Variants in FCHSD2 observed in about 807,000 individuals in gnomAD.
The protein encoded by FCHSD2 is F-BAR and double SH3 domains protein 2.
A neutral mutation model predicts 108.1 loss-of-function variants in FCHSD2; 38 were observed. The ratio of observed to expected loss-of-function variants is 0.35; its 90% CI spans 0.27 to 0.46. The LOEUF is 0.46. Ranked by LOEUF, FCHSD2 falls within the 20% of genes least tolerant of loss-of-function variation. The pLI is 1.00. For synonymous variants in FCHSD2, 279 were observed against 314.7 expected, an observed-to-expected ratio of 0.89 and a Z score of 1.20; for missense variants, 751 against 897.8, an observed-to-expected ratio of 0.84 and a Z score of 2.09.
chr11:72,922,619 T>C (rs1855996873), intron 8 of FCHSD2, among the ~76,000 whole-genome samples: 1 of 151,970 alleles, frequency 6.6e-6, no homozygotes, highest in Non-Finnish European at 1.5e-5. Flanking sequence ...ATAAAAACCG[T>C]GGAAACTGTA....
At chr11:73,128,102 G>T (rs1438762314) in intron 2 of FCHSD2, among the ~76,000 whole-genome samples, 1 of 151,786 alleles carries the variant, frequency 6.6e-6, no homozygotes, top group African/African-American at 2.4e-5. Context: ...GACTGAAGTG[G>T]TAAGATTGGG....
chr11:73,136,180 A>C (rs1861115967), intron 2 of FCHSD2, among the ~76,000 whole-genome samples: 1 of 151,272 alleles, frequency 6.6e-6, no homozygotes, highest in Non-Finnish European at 1.5e-5. Flanking sequence ...AAAAAAAAAG[A>C]AAGAAAAAAG....
At chr11:72,980,015 T>A (rs151135971) in intron 8 of FCHSD2, among the ~76,000 whole-genome samples, 6 of 152,242 alleles carry the variant, frequency 3.9e-5, no homozygotes, top group African/African-American at 1.4e-4. Flanking sequence ...GGGGATGAGA[T>A]ATAATCCAAA....
intron 3 of FCHSD2, among the ~76,000 whole-genome samples, chr11:73,032,995 A>G (rs1275265649): frequency 6.6e-6 from 1 of 152,138 alleles, no homozygotes; most frequent in Non-Finnish European, 1.5e-5. Context: ...ATGGATTAAG[A>G]GTACTTAGAT....
intron 2 of FCHSD2, among the ~76,000 whole-genome samples, chr11:73,103,214 C>T (rs1021417371): frequency 7.0e-6 from 1 of 141,882 alleles, no homozygotes. Context: ...AAACTCTGTA[C>T]ACTTAAGGTA....
chr11:72,866,071 C>T (rs1317576740), intron 13 of FCHSD2, among the ~76,000 whole-genome samples: 4 of 152,228 alleles, frequency 2.6e-5, no homozygotes, highest in Admixed American at 2.0e-4. Context: ...AGAAAAGGTG[C>T]TAGCTGAAGG....
chr11:73,120,612 C>T (rs530949651), intron 2 of FCHSD2, among the ~76,000 whole-genome samples: 26 of 152,010 alleles, frequency 1.7e-4, no homozygotes, highest in Admixed American at 5.2e-4. Flanking sequence ...GCCTATAATC[C>T]CAGCTACTCA....
At chr11:73,025,600 TTAAC>T (rs1185517011) in intron 3 of FCHSD2, among the ~76,000 whole-genome samples, 1 of 151,940 alleles carries the variant, frequency 6.6e-6, no homozygotes, top group Non-Finnish European at 1.5e-5. Flanking sequence ...TGACACAAGT[TTAAC>T]TATGTAACAA....
chr11:73,043,633 A>T (rs1858691969), intron 3 of FCHSD2, among the ~76,000 whole-genome samples: 1 of 152,160 alleles, frequency 6.6e-6, no homozygotes, highest in Non-Finnish European at 1.5e-5. Context: ...CAGTATCCCC[A>T]TTCTCCTCTT....
At chr11:73,090,307 G>A (rs1000681757) in intron 2 of FCHSD2, among the ~76,000 whole-genome samples, 2 of 138,948 alleles carry the variant, frequency 1.4e-5, no homozygotes, top group Admixed American at 8.0e-5. Context: ...CTCACTGCAA[G>A]CTCCACCTTC....
Position 72,901,083 on chromosome 11 carries a change from G to C in FCHSD2, c.924+1460C>G, listed in dbSNP as rs369263755. On this transcript the variant is annotated intron_variant, in intron 10 of 19. Transcript: ENST00000409418. ...TCCCATAAACTCAAGGACGATTACTGTATGCTTTTAAACAATTGCCAATTG... is the reference window on the plus strand; with the variant it reads ...TCCCATAAACTCAAGGACGATTACTCTATGCTTTTAAACAATTGCCAATTG... Among the ~76,000 whole-genome samples, 23 of 152,246 alleles carry C rather than the reference G, an allele frequency of 1.5e-4. No individual in the cohort carries two copies. The East Asian group carries it at 1.5e-3, about 10-fold the overall frequency.
intron 3 of FCHSD2, among the ~76,000 whole-genome samples, chr11:73,030,650 C>A (rs940330289): frequency 6.6e-6 from 1 of 152,022 alleles, no homozygotes; most frequent in Non-Finnish European, 1.5e-5. Context: ...AATCAATCCA[C>A]AAAACCAACA....
At chr11:72,845,437 C>CAAAAAAAAAA (rs755929012) in intron 14 of FCHSD2, among the ~76,000 whole-genome samples, 1 of 81,974 alleles carries the variant, frequency 1.2e-5, no homozygotes, top group Non-Finnish European at 2.3e-5. Flanking sequence ...GACCCTGTCT[C>CAAAAAAAAAA]AAAAAAAAAA....
At chr11:72,930,052 T>C (rs972086938) in intron 8 of FCHSD2, among the ~76,000 whole-genome samples, 8 of 152,188 alleles carry the variant, frequency 5.3e-5, no homozygotes, top group African/African-American at 1.9e-4. Context: ...TCACCTTTAT[T>C]ATGATGAAAA....
chr11:72,895,740 G>A (rs1467196460), intron 10 of FCHSD2, among the ~76,000 whole-genome samples: 1 of 152,160 alleles, frequency 6.6e-6, no homozygotes, highest in Non-Finnish European at 1.5e-5. Context: ...ACACTTAACT[G>A]TCAGTATTGC....
At chr11:73,104,851 C>T (rs1480290433) in intron 2 of FCHSD2, among the ~76,000 whole-genome samples, 1 of 152,158 alleles carries the variant, frequency 6.6e-6, no homozygotes, top group Non-Finnish European at 1.5e-5. Flanking sequence ...AGTCACCGTG[C>T]CTGGCCAACT....
intron 9 of FCHSD2, among the ~76,000 whole-genome samples, chr11:72,909,174 T>C (rs188746994): frequency 6.6e-6 from 1 of 152,188 alleles, no homozygotes; most frequent in East Asian, 1.9e-4. Flanking sequence ...GTGTCTGGGA[T>C]TGCAGGCACA....
intron 2 of FCHSD2, among the ~76,000 whole-genome samples, chr11:73,102,952 AT>A (rs1860258388): frequency 6.6e-6 from 1 of 152,234 alleles, no homozygotes; most frequent in African/African-American, 2.4e-5. Context: ...ACATGGATGA[AT>A]CTCAAAAACA....
chr11:72,954,804 G>T (rs1027601141), intron 8 of FCHSD2, among the ~76,000 whole-genome samples: 1 of 151,860 alleles, frequency 6.6e-6, no homozygotes, highest in Non-Finnish European at 1.5e-5. Context: ...ATAGAAAGGG[G>T]GAAGGCTACA....
Sources: allele counts gnomAD v4.1 joint callset (sites outside exome capture counted in the v4.1 genomes callset), GRCh38; gene constraint gnomAD v4.1.1; transcripts MANE v1.5; gene names NCBI Gene and HGNC (gene_info 2026-07-23, HGNC 2026-07-21).